The following HDAC9 variants were observed in gnomAD, a reference collection of about 807,000 sequenced individuals.
HDAC9 encodes the protein histone deacetylase 9.
Under a neutral mutation model 139.4 loss-of-function variants are expected in HDAC9, and 41 were observed. That is an observed-to-expected ratio of 0.29 (90% confidence interval 0.23 to 0.38). HDAC9 has a LOEUF of 0.38. Among genes scored for constraint, HDAC9 ranks in the 10% least tolerant of loss-of-function variants. HDAC9 has a pLI of 1.00. For synonymous variants in HDAC9, 517 were observed against 476.2 expected (o/e 1.09, Z -1.12); for missense variants, 1,147 against 1,297.0 (o/e 0.88, Z 1.78).
chr7:18,944,207 G>A (rs1782212357), intron 23 of HDAC9, among the ~76,000 whole-genome samples: 1 of 152,060 alleles, frequency 6.6e-6, no homozygotes, highest in African/African-American at 2.4e-5. Flanking sequence ...GGAGAGTCAG[G>A]TCTTCATTAC....
intron 24 of HDAC9, among the ~76,000 whole-genome samples, chr7:18,955,077 A>G (rs561711113): frequency 1.3e-5 from 2 of 152,278 alleles, no homozygotes; most frequent in East Asian, 1.9e-4. Flanking sequence ...TGAGGGCTAT[A>G]TGTACCCAAT....
intron 2 of HDAC9, among the ~76,000 whole-genome samples, chr7:18,550,585 A>T (rs1816794469): frequency 1.3e-5 from 2 of 152,152 alleles, no homozygotes; most frequent in Non-Finnish European, 2.9e-5. Flanking sequence ...TAGGTGGGGG[A>T]TATCAGGTGG....
chr7:18,581,664 G>A (rs1827869577), intron 2 of HDAC9, among the ~76,000 whole-genome samples: 2 of 152,042 alleles, frequency 1.3e-5, no homozygotes, highest in Non-Finnish European at 2.9e-5. Flanking sequence ...CTATAGCTTG[G>A]CCTTTTTAAT....
chr7:18,345,338 C>G (rs985914727), intron 1 of HDAC9, among the ~76,000 whole-genome samples: 21 of 151,922 alleles, frequency 1.4e-4, no homozygotes, highest in African/African-American at 5.1e-4. Context: ...AGGAATTTCT[C>G]CCTCCTTTGT....
At chr7:18,104,923 C>T (rs1051375643) in intron 1 of HDAC9, among the ~76,000 whole-genome samples, 2 of 151,922 alleles carry the variant, frequency 1.3e-5, no homozygotes, top group Non-Finnish European at 2.9e-5. Flanking sequence ...ATTCCATTTC[C>T]TCCTTCAGAT....
intron 12 of HDAC9, among the ~76,000 whole-genome samples, chr7:18,697,291 C>G (rs1783123965): frequency 6.6e-6 from 1 of 152,058 alleles, no homozygotes; most frequent in Admixed American, 6.6e-5. Flanking sequence ...TTTAAAATGG[C>G]CTATGTGTTT....
At position 18,997,768 on chromosome 7, in the gene HDAC9, G is replaced by A. The variant is rs1458372292; in HGVS notation, c.*1706G>A. On this transcript the variant is annotated 3_prime_UTR_variant, in exon 26 of 26. Transcript: ENST00000686413. ...TATAACTCCCTTTGTTATACAGTCA[G>A]ACCATATTTTTCATGCATTTGGTTT... 1 of 152,020 alleles carries A rather than the reference G, an allele frequency of 6.6e-6. No individual in the cohort carries two copies. The highest frequency in any genetic ancestry group is 1.5e-5 in the Non-Finnish European group (1 of 67,980). 9.4% of individuals were successfully genotyped at this position (152,020 alleles called of 1,614,324 possible).
intron 25 of HDAC9, among the ~76,000 whole-genome samples, chr7:18,986,811 G>T (rs1785397236): frequency 6.6e-6 from 1 of 151,990 alleles, no homozygotes; most frequent in Admixed American, 6.6e-5. Context: ...GGATTCCTAG[G>T]TATTTTATTC....
chr7:18,586,199 TTAA>T (rs767668636), intron 3 of HDAC9, among the ~76,000 whole-genome samples: 42 of 152,140 alleles, frequency 2.8e-4, no homozygotes, highest in African/African-American at 3.9e-4. Context: ...TCCAGAATTT[TTAA>T]TAATAACTTA....
intron 1 of HDAC9, among the ~76,000 whole-genome samples, chr7:18,402,439 A>G (rs1014072673): frequency 2.0e-4 from 31 of 152,194 alleles, no homozygotes; most frequent in Admixed American, 1.8e-3. Flanking sequence ...GGCATGAGAC[A>G]GTGTGGGGGA....
intron 1 of HDAC9, among the ~76,000 whole-genome samples, chr7:18,446,166 C>G (rs931519666): frequency 1.3e-5 from 2 of 152,142 alleles, no homozygotes; most frequent in Admixed American, 6.5e-5. Flanking sequence ...TTGTTGGCTC[C>G]CACACTCTCA....
intron 1 of HDAC9, among the ~76,000 whole-genome samples, chr7:18,374,216 T>C (rs200235672): frequency 1.1e-4 from 17 of 149,200 alleles, no homozygotes; most frequent in African/African-American, 3.8e-4. Flanking sequence ...TATATATATA[T>C]ATACACACAC....
chr7:18,607,107 A>G (rs576375262), intron 6 of HDAC9, among the ~76,000 whole-genome samples: 3 of 152,364 alleles, frequency 2.0e-5, no homozygotes, highest in Admixed American at 2.0e-4. Flanking sequence ...GTTAGTTTCA[A>G]ATCAATGAAC....
chr7:18,914,807 C>T (rs767264269), intron 22 of HDAC9, among the ~76,000 whole-genome samples: 5 of 151,842 alleles, frequency 3.3e-5, no homozygotes, highest in Non-Finnish European at 4.4e-5. Flanking sequence ...AAATTTTGAC[C>T]GTTAAAGATA....
At chr7:18,356,358 G>GTGTTTT (rs1554388609) in intron 1 of HDAC9, among the ~76,000 whole-genome samples, 1 of 55,140 alleles carries the variant, frequency 1.8e-5, no homozygotes, top group Non-Finnish European at 3.1e-5. Flanking sequence ...CAGCACATAG[G>GTGTTTT]TTTTTTTTTT....
At chr7:18,773,789 G>A (rs1790523203) in intron 16 of HDAC9, among the ~76,000 whole-genome samples, 1 of 151,954 alleles carries the variant, frequency 6.6e-6, no homozygotes, top group Non-Finnish European at 1.5e-5. Flanking sequence ...TCATTTTAAG[G>A]TGAAGTAACA....
intron 2 of HDAC9, among the ~76,000 whole-genome samples, chr7:18,168,879 GTT>G (rs112502543): frequency 0.043 from 3,493 of 80,886 alleles, 110 homozygotes; most frequent in South Asian, 0.089. Flanking sequence ...CAAATGTCTT[GTT>G]TTTTTTTTTT....
At chr7:18,433,059 C>T (rs559176519) in intron 1 of HDAC9, among the ~76,000 whole-genome samples, 92 of 152,120 alleles carry the variant, frequency 6.0e-4, no homozygotes, top group African/African-American at 2.1e-3. Context: ...ACCAAGTAGG[C>T]TTTATCCCTG....
At chr7:18,149,322 CAT>C (rs1786576112) in intron 1 of HDAC9, among the ~76,000 whole-genome samples, 1 of 148,870 alleles carries the variant, frequency 6.7e-6, no homozygotes, top group Admixed American at 6.7e-5. Context: ...TATTTAACAA[CAT>C]ATTAATTCTT....
Sources: gnomAD v4.1 joint callset for allele counts (sites outside exome capture counted in the v4.1 genomes callset) on GRCh38, gnomAD v4.1.1 for gene constraint, MANE v1.5 for transcripts, NCBI Gene and HGNC (gene_info 2026-07-23, HGNC 2026-07-21) for gene names.